Variants in DNAJC3 observed in about 807,000 individuals in gnomAD.
The protein encoded by DNAJC3 is dnaJ homolog subfamily C member 3.
In DNAJC3, 38 loss-of-function variants were observed where a neutral mutation model predicts 68.6. The observed-to-expected ratio is 0.55, with a 90% CI of 0.43 to 0.73. The LOEUF is 0.73. Ranked by LOEUF, DNAJC3 falls within the 30% of genes least tolerant of loss-of-function variation. The pLI is 0.00. For missense variants in DNAJC3, 526 were observed against 591.9 expected, an observed-to-expected ratio of 0.89 and a Z score of 1.16; for synonymous variants, 203 against 204.0, an observed-to-expected ratio of 1.00 and a Z score of 0.04.
intron 1 of DNAJC3, 83 bp downstream of exon 1, chr13:95,677,420 C>T (rs1223338167): frequency 7.1e-7 from 1 of 1,408,718 alleles, no homozygotes; most frequent in Non-Finnish European, 9.5e-7. Context: ...GGGCGCCTGT[C>T]CCGGAGCGGC....
intron 1 of DNAJC3, 61 bp from the exon 2 acceptor site, chr13:95,709,166 T>A (rs1379872135): frequency 1.7e-6 from 2 of 1,202,230 alleles, no homozygotes; most frequent in Non-Finnish European, 2.3e-6. Context: ...AATATTATAT[T>A]TTTTAGAATT....
intron 11 of DNAJC3, among the ~76,000 whole-genome samples, chr13:95,787,365 T>C (rs1186261370): frequency 1.3e-5 from 2 of 152,190 alleles, no homozygotes; most frequent in Non-Finnish European, 2.9e-5. Flanking sequence ...CTATCAAATG[T>C]GGAATCAGAG....
chr13:95,709,227 G>A lies in DNAJC3; in HGVS notation c.83G>A (p.Gly28Asp). The A allele has an allele frequency of 1.3e-6, 2 of 1,526,694 alleles. No homozygotes were observed. The highest frequency in any genetic ancestry group is 1.8e-6 in the Non-Finnish European group (2 of 1,133,924). The allele number at this position is 1,526,694 out of a possible 1,614,324, so 94.6% of individuals were successfully genotyped here. A position where few individuals can be genotyped will look rare whatever the true frequency, so the allele number is the denominator to read the frequency against. Residue 28 changes from glycine (G) to aspartate (D), a missense_variant and splice_region_variant, in exon 2 of 12, where the codon GGT becomes GAT. Physicochemically the swap from Gly to Asp is moderately conservative, Grantham distance 94. Transcript: ENST00000602402. Reference sequence around the variant, plus strand: ...TGATTGTTTTTAATTTTATTTTTAGGTGCTGAATGTGGAGTAAATGCAGAT... The same window carrying A: ...TGATTGTTTTTAATTTTATTTTTAGATGCTGAATGTGGAGTAAATGCAGAT... ...LLVLVDLQYE[G>D]AECGVNADVE...
At chr13:95,710,747 C>T (rs1264977975) in intron 2 of DNAJC3, among the ~76,000 whole-genome samples, 2 of 152,088 alleles carry the variant, frequency 1.3e-5, no homozygotes, top group East Asian at 1.9e-4. Flanking sequence ...AGTGCAGTCA[C>T]GTGATCTTGG....
At chr13:95,734,969 CT>C (rs1305046807) in intron 4 of DNAJC3, among the ~76,000 whole-genome samples, 2 of 123,568 alleles carry the variant, frequency 1.6e-5, no homozygotes, top group African/African-American at 6.0e-5. Context: ...TCCCTCCCCC[CT>C]CCCCCCCACC....
At chr13:95,787,981 T>TAAAC (rs1269559763) in intron 11 of DNAJC3, among the ~76,000 whole-genome samples, 1 of 151,710 alleles carries the variant, frequency 6.6e-6, no homozygotes, top group Non-Finnish European at 1.5e-5. Context: ...TGATCTGAGC[T>TAAAC]AAACAAACAA....
intron 2 of DNAJC3, among the ~76,000 whole-genome samples, chr13:95,715,455 A>G (rs1881105893): frequency 6.6e-6 from 1 of 152,010 alleles, no homozygotes; most frequent in African/African-American, 2.4e-5. Flanking sequence ...GTGACTCTCA[A>G]ATGGGATACA....
At chr13:95,723,046 AC>A (rs1462514429) in intron 2 of DNAJC3, among the ~76,000 whole-genome samples, 195 bp from the exon 3 acceptor site, 8 of 151,862 alleles carry the variant, frequency 5.3e-5, no homozygotes, top group African/African-American at 1.9e-4. Flanking sequence ...CTTGGGCTGT[AC>A]TTTGCTGACC....
intron 1 of DNAJC3, among the ~76,000 whole-genome samples, chr13:95,688,965 T>TGTGCGC (rs1491401957): frequency 3.1e-4 from 41 of 131,014 alleles, no homozygotes; most frequent in Middle Eastern, 3.8e-3. Flanking sequence ...TGTGTGTGTG[T>TGTGCGC]GCGCGCTGTT....
chr13:95,703,118 G>T (rs967058728), intron 1 of DNAJC3, among the ~76,000 whole-genome samples: 1 of 152,152 alleles, frequency 6.6e-6, no homozygotes, highest in African/African-American at 2.4e-5. Context: ...GGGAAATACA[G>T]GGTTAAGTTT....
intron 5 of DNAJC3, among the ~76,000 whole-genome samples, chr13:95,758,484 A>G (rs76257753): frequency 4.6e-5 from 7 of 151,376 alleles, no homozygotes; most frequent in African/African-American, 1.7e-4. Context: ...AAAAAAAAAA[A>G]GAAAATTAGC....
rs903074991 is a variant in DNAJC3 at position 95,794,640 on chromosome 13, C to A, written c.*3610C>A. ...TTTTTTGTTTGTTTACAGATGATCT[C>A]ATTTGCTGAATGATTGATTTAAGAG... On this transcript the variant is annotated 3_prime_UTR_variant, in exon 12 of 12. Coordinates refer to ENST00000602402, the MANE Select transcript of DNAJC3 (RefSeq NM_006260.5). 1 of 152,118 alleles carries A rather than the reference C, an allele frequency of 6.6e-6. No individual in the cohort carries two copies. Among genetic ancestry groups the A allele is most frequent in the African/African-American group, 2.4e-5 (1 of 41,426 alleles). The allele number at this position is 152,118 out of a possible 1,614,324, so 9.4% of individuals were successfully genotyped here.
chr13:95,771,883 A>G (rs949988281), intron 9 of DNAJC3, among the ~76,000 whole-genome samples: 1 of 151,168 alleles, frequency 6.6e-6, no homozygotes, highest in Non-Finnish European at 1.5e-5. Context: ...AGCCATGTAT[A>G]GTATGTTCTC....
At chr13:95,694,726 T>C (rs1028038776) in intron 1 of DNAJC3, 1 of 152,666 alleles carries the variant, frequency 6.6e-6, no homozygotes, top group Non-Finnish European at 1.5e-5. Context: ...TTTCTGGCCA[T>C]ACACTACACA....
intron 1 of DNAJC3, among the ~76,000 whole-genome samples, chr13:95,682,908 T>C (rs1879959871): frequency 6.6e-6 from 1 of 152,238 alleles, no homozygotes; most frequent in Non-Finnish European, 1.5e-5. Context: ...TTAAATTCAT[T>C]CAACAAATAT....
At chr13:95,750,198 T>C (rs1350362900) in intron 4 of DNAJC3, among the ~76,000 whole-genome samples, 2 of 138,182 alleles carry the variant, frequency 1.4e-5, no homozygotes, top group Admixed American at 8.1e-5. Context: ...TTGCTACCCC[T>C]CTCCCATCAA....
chr13:95,771,898 G>T (rs1334413072), intron 9 of DNAJC3, among the ~76,000 whole-genome samples: 4 of 148,686 alleles, frequency 2.7e-5, no homozygotes, highest in African/African-American at 9.9e-5. Flanking sequence ...GTTCTCTCTT[G>T]TATAAAGCTT....
intron 4 of DNAJC3, among the ~76,000 whole-genome samples, chr13:95,752,252 T>C (rs1464723319): frequency 6.6e-6 from 1 of 152,224 alleles, no homozygotes; most frequent in African/African-American, 2.4e-5. Flanking sequence ...TGTTTATCGG[T>C]ATTTACTATA....
At chr13:95,777,997 G>A (rs923563590) in intron 9 of DNAJC3, among the ~76,000 whole-genome samples, 1 of 152,026 alleles carries the variant, frequency 6.6e-6, no homozygotes, top group African/African-American at 2.4e-5. Flanking sequence ...AGTAACAGAA[G>A]GAAAATTGAA....
Sources: gnomAD v4.1 joint callset for allele counts (sites outside exome capture counted in the v4.1 genomes callset) on GRCh38, gnomAD v4.1.1 for gene constraint, MANE v1.5 for transcripts, NCBI Gene and HGNC (gene_info 2026-07-23, HGNC 2026-07-21) for gene names.